RAB30: variants seen among roughly 807,000 people sequenced by gnomAD.
RAB30 encodes RAB30, member RAS oncogene family.
A neutral mutation model predicts 25.1 loss-of-function variants in RAB30; 9 were observed. The observed-to-expected ratio is 0.36, with a 90% CI of 0.22 to 0.63. RAB30 has a LOEUF of 0.63. RAB30 is among the 20% of genes least tolerant of loss of function. The pLI is 0.69. For missense variants in RAB30, 140 were observed against 243.5 expected (o/e 0.58, Z 2.83); for synonymous variants, 77 against 86.4 (o/e 0.89, Z 0.60).
Position 82,976,372 on chromosome 11 carries a change from A to C in RAB30, c.*5793T>G, listed in dbSNP as rs1023926129. On this transcript the variant is annotated 3_prime_UTR_variant, in exon 5 of 5. Transcript: ENST00000527633. ...TGACAGGTCTATCTCATAGATGAGAAGATTGATGCTCAAATATTGTGCTTC... is the reference window on the plus strand; with the variant it reads ...TGACAGGTCTATCTCATAGATGAGACGATTGATGCTCAAATATTGTGCTTC... The C allele has an allele frequency of 5.9e-5, 9 of 152,214 alleles. No homozygotes were observed. Among genetic ancestry groups the C allele is most frequent in the Admixed American group, 5.2e-4 (8 of 15,272 alleles). The allele number at this position is 152,214 out of a possible 1,614,324, so 9.4% of individuals were successfully genotyped here.
chr11:83,041,487 G>T, intron 1 of RAB30: 1 of 221,838 alleles, frequency 4.5e-6, no homozygotes, highest in Admixed American at 4.3e-5. Flanking sequence ...GTCCTTTAGA[G>T]CAACCCATAC....
At chr11:82,987,390 A>G in intron 4 of RAB30, 197 bp downstream of exon 4, 1 of 442,632 alleles carries the variant, frequency 2.3e-6, no homozygotes, top group Non-Finnish European at 3.8e-6. Flanking sequence ...AATGTTTTCT[A>G]CTTTATTTTT....
chr11:83,033,335 G>A (rs1387538949), intron 1 of RAB30, among the ~76,000 whole-genome samples: 1 of 152,056 alleles, frequency 6.6e-6, no homozygotes, highest in African/African-American at 2.4e-5. Context: ...CAAAGTGCTG[G>A]GATTACAGGT....
chr11:83,017,946 A>G (rs1857475868), intron 1 of RAB30, among the ~76,000 whole-genome samples: 2 of 152,166 alleles, frequency 1.3e-5, no homozygotes, highest in South Asian at 4.1e-4. Context: ...TTTTTAAGGA[A>G]TCTCTGTACA....
chr11:83,023,030 A>G (rs1006290941), intron 1 of RAB30, among the ~76,000 whole-genome samples: 6 of 152,130 alleles, frequency 3.9e-5, no homozygotes, highest in African/African-American at 1.4e-4. Flanking sequence ...ATAAGACAAA[A>G]TGTTAACAAT....
intron 3 of RAB30, among the ~76,000 whole-genome samples, chr11:82,991,714 G>C (rs1480799619): frequency 6.6e-6 from 1 of 152,116 alleles, no homozygotes; most frequent in Non-Finnish European, 1.5e-5. Context: ...GACTGGATTT[G>C]GGAGATGAGC....
intron 3 of RAB30, among the ~76,000 whole-genome samples, chr11:82,991,085 T>C (rs1021972203): frequency 9.2e-5 from 14 of 152,174 alleles, no homozygotes; most frequent in African/African-American, 3.1e-4. Context: ...AAGCGGGTGA[T>C]GCCATACGAA....
In RAB30 at chr11:83,031,236, C is replaced by T. The variant is rs572279272; in HGVS notation, c.-8-33912G>A. Among the ~76,000 whole-genome samples, 6 of 152,360 alleles carry T rather than the reference C, an allele frequency of 3.9e-5. No individual in the cohort carries two copies. The East Asian group carries it at 1.2e-3, about 29-fold the overall frequency. ...TGTTATGGCAGGCCTAGCAAACTAA[C>T]ACATAGACTATCCGAATAAAAACAA... On this transcript the variant is annotated intron_variant, in intron 1 of 4. Coordinates refer to ENST00000527633, the MANE Select transcript of RAB30 (RefSeq NM_001286060.2).
chr11:82,998,182 T>C (rs1313916098), intron 1 of RAB30, among the ~76,000 whole-genome samples: 4 of 152,182 alleles, frequency 2.6e-5, no homozygotes, highest in African/African-American at 9.7e-5. Context: ...CTGTCAGCTC[T>C]ATTTCCTAGC....
At chr11:83,003,183 A>G (rs1857120924) in intron 1 of RAB30, among the ~76,000 whole-genome samples, 1 of 152,238 alleles carries the variant, frequency 6.6e-6, no homozygotes, top group African/African-American at 2.4e-5. Flanking sequence ...TGGGGATGAT[A>G]TTAGAATCTA....
chr11:82,985,228 GTGTTGGGA>G (rs1856718744), intron 4 of RAB30, among the ~76,000 whole-genome samples: 1 of 152,156 alleles, frequency 6.6e-6, no homozygotes, highest in African/African-American at 2.4e-5. Context: ...GCCTCCCAAA[GTGTTGGGA>G]TTACAGGCAT....
At chr11:83,002,289 C>A (rs917879359) in intron 1 of RAB30, among the ~76,000 whole-genome samples, 1 of 152,188 alleles carries the variant, frequency 6.6e-6, no homozygotes, top group Non-Finnish European at 1.5e-5. Context: ...ATTACACAAG[C>A]GCTGCTCCTC....
At position 82,981,987 on chromosome 11, in the gene RAB30, T is replaced by C. The variant is rs1477137792; in HGVS notation, c.*178A>G. ...ACTGGAAAAGGGTGAAACCATTATA[T>C]GTTCTGCTAATGCTGGCCTGTGGTC... On this transcript the variant is annotated 3_prime_UTR_variant, in exon 5 of 5. Transcript: ENST00000527633. The C allele has an allele frequency of 1.8e-5, 14 of 766,412 alleles. No homozygotes were observed. The highest frequency in any genetic ancestry group is 3.5e-5 in the African/African-American group (2 of 57,104). 47.5% of individuals were successfully genotyped at this position (766,412 alleles called of 1,614,324 possible). A position where few individuals can be genotyped will look rare whatever the true frequency, so the allele number is the denominator to read the frequency against.
chr11:82,981,822 G>A lies in RAB30; in HGVS notation c.*343C>T, dbSNP rs528637550. 8.1e-6 allele frequency: 2 copies of A among 245,940 alleles called. No homozygotes were observed. Among genetic ancestry groups the A allele is most frequent in the African/African-American group, 2.2e-5 (1 of 44,640 alleles). The allele number at this position is 245,940 out of a possible 1,614,324, so 15.2% of individuals were successfully genotyped here. ...AGTTCCCACATGCACCCACTGATGT[G>A]CAGGAGGGATCCCTACAGTACATTT... is the stretch of plus-strand genomic sequence containing the variant. On this transcript the variant is annotated 3_prime_UTR_variant, in exon 5 of 5. Coordinates refer to ENST00000527633, the MANE Select transcript of RAB30 (RefSeq NM_001286060.2).
chr11:83,001,882 T>C (rs758048536), intron 1 of RAB30, among the ~76,000 whole-genome samples: 2 of 152,210 alleles, frequency 1.3e-5, no homozygotes, highest in African/African-American at 2.4e-5. Context: ...ATTGTTAACA[T>C]TGATAACAGC....
intron 1 of RAB30, among the ~76,000 whole-genome samples, chr11:83,042,916 T>C (rs781368316): frequency 4.6e-5 from 7 of 152,220 alleles, no homozygotes; most frequent in Non-Finnish European, 7.3e-5. Context: ...ACATTTAATG[T>C]GTAATCTTGT....
chr11:83,022,845 T>C (rs1181876546), intron 1 of RAB30, among the ~76,000 whole-genome samples: 1 of 152,114 alleles, frequency 6.6e-6, no homozygotes, highest in African/African-American at 2.4e-5. Flanking sequence ...TTAGATACAA[T>C]TTTATGTTGT....
chr11:83,005,659 A>G lies in RAB30; in HGVS notation c.-8-8335T>C, dbSNP rs1857168814. Reference sequence around the variant, plus strand: ...AGTACTAGAAGAAAACATTATATATATACATATATATAAAACCTTAAAGTA... The same window carrying G: ...AGTACTAGAAGAAAACATTATATATGTACATATATATAAAACCTTAAAGTA... On this transcript the variant is annotated intron_variant, in intron 1 of 4. Transcript: ENST00000527633. Among the ~76,000 whole-genome samples the G allele has an allele frequency of 3.3e-5, 5 of 152,232 alleles. No homozygotes were observed. In the South Asian group the frequency reaches 1.0e-3, roughly 32 times the overall value.
At chr11:83,014,635 AAAGAAAG>A (rs1267862335) in intron 1 of RAB30, among the ~76,000 whole-genome samples, 1 of 8,712 alleles carries the variant, frequency 1.1e-4, no homozygotes, top group African/African-American at 3.8e-4. Context: ...GAAGTAAGAA[AAAGAAAG>A]AAAGAAAGAA....
Sources: allele counts gnomAD v4.1 joint callset (sites outside exome capture counted in the v4.1 genomes callset), GRCh38; gene constraint gnomAD v4.1.1; transcripts MANE v1.5; gene names NCBI Gene and HGNC (gene_info 2026-07-23, HGNC 2026-07-21).